The following CCNDBP1 variants were observed in gnomAD, a reference collection of about 807,000 sequenced individuals.
CCNDBP1 encodes cyclin-D1-binding protein 1.
CCNDBP1 carries 45 observed loss-of-function variants against 46.2 expected under a neutral mutation model. The ratio of observed to expected loss-of-function variants is 0.97; its 90% confidence interval spans 0.77 to 1.25. The LOEUF is 1.25. Ranked by LOEUF, CCNDBP1 falls within the 50% of genes most tolerant of loss-of-function variation. The pLI, the probability that CCNDBP1 is intolerant of heterozygous loss-of-function variation, is 0.00. For synonymous variants in CCNDBP1, 154 were observed against 163.6 expected (o/e 0.94, Z 0.45); for missense variants, 436 against 442.1 (o/e 0.99, Z 0.12).
Position 43,185,643 on chromosome 15 carries a change from GCGGGCTCGGGGTCGGGGAGAGGC to G in CCNDBP1, c.109+74_109+96del, listed in dbSNP as rs777558896. 4,839 of 1,449,150 alleles carry G rather than the reference GCGGGCTCGGGGTCGGGGAGAGGC, an allele frequency of 3.3e-3. 141 individuals carry two copies. The African/African-American group carries it at 0.048, about 15-fold the overall frequency. The allele number at this position is 1,449,150 out of a possible 1,614,324, so 89.8% of individuals were successfully genotyped here. A position where few individuals can be genotyped will look rare whatever the true frequency, so the allele number is the denominator to read the frequency against. On this transcript the variant is annotated intron_variant, in intron 1 of 10. Transcript: ENST00000300213. ...GGAGTTAGAACGGGCGACGGCAGGG[GCGGGCTCGGGGTCGGGGAGAGGC>G]CGGGCTCGGGGTCGGGGAGAGGCCG...
At chr15:43,190,675 C>G (rs2041934053) in intron 6 of CCNDBP1, among the ~76,000 whole-genome samples, 1 of 152,158 alleles carries the variant, frequency 6.6e-6, no homozygotes. Context: ...ATGGAGCACA[C>G]TGAAGCAGTT....
intron 3 of CCNDBP1, among the ~76,000 whole-genome samples, chr15:43,188,136 T>C (rs2142228907): frequency 6.6e-6 from 1 of 152,326 alleles, no homozygotes; most frequent in East Asian, 1.9e-4. Flanking sequence ...ATCTCATCCC[T>C]GACTGGTCAC....
chr15:43,194,492 T>C (rs1261951516), intron 10 of CCNDBP1, 31 bp downstream of exon 10: 1 of 1,574,114 alleles, frequency 6.4e-7, no homozygotes, highest in South Asian at 1.2e-5. Context: ...GATAGCTTTT[T>C]GTGAGTAAAA....
rs756127914 is a variant in CCNDBP1, at chr15:43,185,512, C to T, written c.14C>T (p.Thr5Ile). The T allele has an allele frequency of 6.3e-7, 1 of 1,593,920 alleles. No homozygotes were observed. The highest frequency in any genetic ancestry group is 2.3e-5 in the East Asian group (1 of 43,926). MASA[T>I]APAAAVPTLA... is the part of the protein sequence containing the mutation. ...CAAGCGACTGAGATGGCGAGCGCAA[C>T]TGCACCTGCAGCCGCAGTCCCCACC... The change falls in exon 1 of 11, where the codon ACT becomes ATT. Residue 5 changes from threonine (T) to isoleucine (I), a missense_variant. Coordinates refer to ENST00000300213, the MANE Select transcript of CCNDBP1 (RefSeq NM_012142.5).
Position 43,197,135 on chromosome 15 carries a change from CT to C in CCNDBP1, c.*2295del. The C allele has an allele frequency of 1.1e-6, 1 of 917,834 alleles. No individual in the cohort carries two copies. Among genetic ancestry groups the C allele is most frequent in the South Asian group, 1.5e-5 (1 of 65,444 alleles). 56.9% of individuals were successfully genotyped at this position (917,834 alleles called of 1,614,324 possible). A position where few individuals can be genotyped will look rare whatever the true frequency, so the allele number is the denominator to read the frequency against. Reference sequence around the variant, plus strand: ...AAGCCCTCACTGTTTCTTGTACAGCCTGCAGAGCCGTGAGCCAAATAAAGCT... The same window carrying C: ...AAGCCCTCACTGTTTCTTGTACAGCCGCAGAGCCGTGAGCCAAATAAAGCT... On this transcript the variant is annotated 3_prime_UTR_variant, in exon 11 of 11. Coordinates refer to ENST00000300213, the MANE Select transcript of CCNDBP1 (RefSeq NM_012142.5).
intron 10 of CCNDBP1, 109 bp downstream of exon 10, chr15:43,194,570 G>A: frequency 3.8e-6 from 4 of 1,046,576 alleles, no homozygotes; most frequent in Non-Finnish European, 5.7e-6. Flanking sequence ...GGGTGGGTGT[G>A]GGATTTTCTT....
Position 43,196,621 on chromosome 15 carries a change from C to G in CCNDBP1, c.*1780C>G, listed in dbSNP as rs964003720. On this transcript the variant is annotated 3_prime_UTR_variant, in exon 11 of 11. Transcript: ENST00000300213. ...GTAATTTTAAGATTACCTAAAAATT[C>G]CATTTTGGGATAATATCCCACTTCA... is the stretch of plus-strand genomic sequence containing the variant. The G allele has an allele frequency of 6.6e-6, 1 of 152,262 alleles. No individual in the cohort carries two copies. The highest frequency in any genetic ancestry group is 1.5e-5 in the Non-Finnish European group (1 of 68,280). The allele number at this position is 152,262 out of a possible 1,614,324, so 9.4% of individuals were successfully genotyped here. A position where few individuals can be genotyped will look rare whatever the true frequency, so the allele number is the denominator to read the frequency against.
intron 2 of CCNDBP1, 99 bp from the exon 3 acceptor site, chr15:43,186,055 G>T: frequency 7.8e-7 from 1 of 1,277,250 alleles, no homozygotes; most frequent in South Asian, 1.2e-5. Context: ...CTCGACATTC[G>T]GGAAGTGTTT....
rs992286272 is a variant in CCNDBP1, at chr15:43,196,263, G to A, written c.*1422G>A. 6.7e-6 allele frequency: 1 copy of A among 148,176 alleles called. No individual in the cohort carries two copies. The highest frequency in any genetic ancestry group is 2.5e-5 in the African/African-American group (1 of 40,430). 9.2% of individuals were successfully genotyped at this position (148,176 alleles called of 1,614,324 possible). On this transcript the variant is annotated 3_prime_UTR_variant, in exon 11 of 11. Transcript: ENST00000300213. ...TCTTTAAGGATAATGATCAGGGAAAGCACTGATCAATGTAATTTTTTTTTT... is the reference window on the plus strand; with the variant it reads ...TCTTTAAGGATAATGATCAGGGAAAACACTGATCAATGTAATTTTTTTTTT...
Position 43,186,775 on chromosome 15 carries a change from A to C in CCNDBP1, c.249+542A>C, listed in dbSNP as rs191651391. Among the ~76,000 whole-genome samples, 363 of 152,292 alleles carry C rather than the reference A, an allele frequency of 2.4e-3. 3 individuals carry two copies. The highest frequency in any genetic ancestry group is 0.019 in the Admixed American group (287 of 15,294). On this transcript the variant is annotated intron_variant, in intron 3 of 10. Transcript: ENST00000300213. ...CCACTTTCTCATTTTTGTCTCCCCCAGTTCCTTTTGCATTATTCCACGTAT... is the reference window on the plus strand; with the variant it reads ...CCACTTTCTCATTTTTGTCTCCCCCCGTTCCTTTTGCATTATTCCACGTAT...
At chr15:43,191,739 C>T (rs918549161) in intron 8 of CCNDBP1, 64 bp downstream of exon 8, 39 of 1,526,136 alleles carry the variant, frequency 2.6e-5, no homozygotes, top group Non-Finnish European at 3.3e-5. Context: ...TGTGTTGTCA[C>T]CTCAAGGTTT....
intron 1 of CCNDBP1, 50 bp downstream of exon 1, chr15:43,185,657 G>A: frequency 1.4e-6 from 2 of 1,410,654 alleles, no homozygotes; most frequent in Non-Finnish European, 9.5e-7. Context: ...GCTCGGGGTC[G>A]GGGAGAGGCC....
intron 5 of CCNDBP1, 82 bp downstream of exon 5, chr15:43,190,233 C>T: frequency 6.3e-7 from 1 of 1,584,908 alleles, no homozygotes; most frequent in Non-Finnish European, 8.7e-7. Flanking sequence ...AGCAAAGTTA[C>T]TGACAGCTGA....
chr15:43,186,273 AC>A (rs1413200335), intron 3 of CCNDBP1, 40 bp downstream of exon 3: 1 of 1,497,980 alleles, frequency 6.7e-7, no homozygotes, highest in African/African-American at 1.4e-5. Flanking sequence ...CTGCCGAGTT[AC>A]ACCTTAGGAA....
At chr15:43,190,015 A>G in intron 4 of CCNDBP1, 40 bp from the exon 5 acceptor site, 5 of 1,562,378 alleles carry the variant, frequency 3.2e-6, no homozygotes, top group Non-Finnish European at 4.4e-6. Flanking sequence ...GTGCTTCTGA[A>G]AAGAACACCA....
intron 9 of CCNDBP1, among the ~76,000 whole-genome samples, chr15:43,193,925 C>T (rs1468963607): frequency 6.6e-6 from 1 of 151,928 alleles, no homozygotes; most frequent in African/African-American, 2.4e-5. Flanking sequence ...CTATCCCAAA[C>T]ATAGTATCTG....
chr15:43,189,609 C>A, intron 4 of CCNDBP1: 1 of 331,300 alleles, frequency 3.0e-6, no homozygotes, highest in Non-Finnish European at 5.5e-6. Flanking sequence ...TCCTTACTTT[C>A]CTCCACCCAT....
In CCNDBP1 at chr15:43,191,521, G is replaced by A. The variant is rs762801668; in HGVS notation, c.706G>A (p.Asp236Asn). ...CAATCAGGACTTGTATTGGTCAGAG[G>A]ACGATCAAGAGCTCATAATCCCATG... ...PSNQDLYWSE[D>N]DQELIIPCLA... The change falls in exon 8 of 11, where the codon GAC becomes AAC. Residue 236 changes from aspartate (D) to asparagine (N), a missense_variant. By Grantham distance (23) the Asp-to-Asn change is conservative. Coordinates refer to ENST00000300213, the MANE Select transcript of CCNDBP1 (RefSeq NM_012142.5). 2.4e-5 allele frequency: 38 copies of A among 1,613,978 alleles called. No individual in the cohort carries two copies. The South Asian group carries it at 4.0e-4, about 17-fold the overall frequency.
intron 3 of CCNDBP1, 63 bp from the exon 4 acceptor site, chr15:43,189,136 A>G: frequency 1.5e-6 from 1 of 682,538 alleles, no homozygotes; most frequent in Non-Finnish European, 2.5e-6. Context: ...GAAAAGAAAT[A>G]TCTGCTCTAT....
Sources: allele counts gnomAD v4.1 joint callset (sites outside exome capture counted in the v4.1 genomes callset), GRCh38; gene constraint gnomAD v4.1.1; transcripts MANE v1.5; gene names NCBI Gene and HGNC (gene_info 2026-07-23, HGNC 2026-07-21).